Variants in GXYLT1 observed in about 807,000 individuals in gnomAD.
GXYLT1 encodes the protein glycosyltransferase 8 domain containing 3.
In GXYLT1, 29 loss-of-function variants were observed where a neutral mutation model predicts 54.0. The observed-to-expected ratio is 0.54, with a 90% CI of 0.40 to 0.73. The LOEUF (loss-of-function observed/expected upper bound fraction) is 0.73. GXYLT1 is among the 30% of genes least tolerant of loss of function. GXYLT1 has a pLI of 0.00. For missense variants in GXYLT1, 490 were observed against 553.4 expected, an observed-to-expected ratio of 0.89 and a Z score of 1.15; for synonymous variants, 176 against 204.1, an observed-to-expected ratio of 0.86 and a Z score of 1.17.
At chr12:42,110,607 T>C (rs938143270) in intron 3 of GXYLT1, among the ~76,000 whole-genome samples, 4 of 152,200 alleles carry the variant, frequency 2.6e-5, no homozygotes, top group Non-Finnish European at 5.9e-5. Flanking sequence ...TGAAGTGCAG[T>C]AACATGATTA....
intron 6 of GXYLT1, 68 bp from the exon 7 acceptor site, chr12:42,097,682 A>T (rs985043868): frequency 1.2e-5 from 17 of 1,377,474 alleles, no homozygotes; most frequent in Non-Finnish European, 1.7e-5. Context: ...ATTATGCAAA[A>T]CTTTCAGTTA....
chr12:42,144,062 T>C (rs2065665938), intron 1 of GXYLT1, among the ~76,000 whole-genome samples: 1 of 152,206 alleles, frequency 6.6e-6, no homozygotes. Context: ...TGTTTAAATA[T>C]CTCAACTTGA....
At chr12:42,143,957 C>A (rs2065665154) in intron 1 of GXYLT1, among the ~76,000 whole-genome samples, 1 of 152,098 alleles carries the variant, frequency 6.6e-6, no homozygotes, top group African/African-American at 2.4e-5. Context: ...TAAGCGTTAA[C>A]ACAGGAAAAT....
At chr12:42,122,392 C>T (rs546375221) in intron 2 of GXYLT1, among the ~76,000 whole-genome samples, 40 of 152,144 alleles carry the variant, frequency 2.6e-4, no homozygotes, top group African/African-American at 9.2e-4. Context: ...GAGTTTGAGA[C>T]CAGGCTGGCC....
intron 2 of GXYLT1, among the ~76,000 whole-genome samples, chr12:42,121,511 C>T (rs2065531395): frequency 6.6e-6 from 1 of 152,050 alleles, no homozygotes; most frequent in African/African-American, 2.4e-5. Context: ...CACGCCTGTA[C>T]TCCTAGCTAC....
rs35830911 is a variant in GXYLT1 at position 42,140,180 on chromosome 12, C to CAAA, written c.221+4243_221+4245dup. On this transcript the variant is annotated intron_variant, in intron 1 of 7. Transcript: ENST00000398675. ...TGAGTGACAGAGCAAGACTCCATCTCAAAAAAAAAAAAAAAAAGGCGGGGG... is the reference window on the plus strand; with the variant it reads ...TGAGTGACAGAGCAAGACTCCATCTCAAAAAAAAAAAAAAAAAAAAGGCGGGGG... Among the ~76,000 whole-genome samples, 4 of 20,870 alleles carry CAAA rather than the reference C, an allele frequency of 1.9e-4. 1 individual carries two copies. Among genetic ancestry groups the CAAA allele is most frequent in the Non-Finnish European group, 3.0e-4 (4 of 13,140 alleles). 13.7% of individuals were successfully genotyped at this position (20,870 alleles called of 152,430 possible). A position where few individuals can be genotyped will look rare whatever the true frequency, so the allele number is the denominator to read the frequency against.
At position 42,106,896 on chromosome 12, in the gene GXYLT1, T is replaced by G. The variant is rs373904711; in HGVS notation, c.613-827A>C. 2.0e-4 allele frequency among the ~76,000 whole-genome samples: 31 copies of G among 151,714 alleles called. No homozygotes were observed. The East Asian group carries it at 3.5e-3, about 17-fold the overall frequency. ...GAGTAACTGGGATTACAGGCATGCA[T>G]CACCACACCCGGCTAATTTTTCATA... On this transcript the variant is annotated intron_variant, in intron 4 of 7. Coordinates refer to ENST00000398675, the MANE Select transcript of GXYLT1 (RefSeq NM_173601.2).
intron 1 of GXYLT1, among the ~76,000 whole-genome samples, chr12:42,138,469 A>G (rs1192262009): frequency 1.3e-5 from 2 of 152,208 alleles, no homozygotes; most frequent in Non-Finnish European, 2.9e-5. Context: ...ATAAGTTAGC[A>G]TCACACAATA....
rs1029405592 is a variant in GXYLT1 at position 42,091,287 on chromosome 12, A to T, written c.1162-3340T>A. Among the ~76,000 whole-genome samples, 10 of 151,808 alleles carry T rather than the reference A, an allele frequency of 6.6e-5. 1 individual carries two copies. The highest frequency in any genetic ancestry group is 4.6e-4 in the Admixed American group (7 of 15,242). ...CATCTGAAATCCTTTTAAAAATAAG[A>T]TTTTTTTAAAAAAAAATCAAGTGTA... is the stretch of plus-strand genomic sequence containing the variant. On this transcript the variant is annotated intron_variant, in intron 7 of 7. Coordinates refer to ENST00000398675, the MANE Select transcript of GXYLT1 (RefSeq NM_173601.2).
chr12:42,119,470 G>A (rs569248607), intron 2 of GXYLT1, among the ~76,000 whole-genome samples: 7 of 151,776 alleles, frequency 4.6e-5, no homozygotes, highest in Admixed American at 3.3e-4. Context: ...GGGAAAGGGA[G>A]GGAGGGAAGG....
At chr12:42,090,922 A>G (rs1443927141) in intron 7 of GXYLT1, among the ~76,000 whole-genome samples, 2 of 152,236 alleles carry the variant, frequency 1.3e-5, no homozygotes, top group East Asian at 1.9e-4. Context: ...TATTCACTCA[A>G]CAACTAATAT....
chr12:42,124,611 AG>A (rs1175755906), intron 2 of GXYLT1, among the ~76,000 whole-genome samples: 1 of 152,234 alleles, frequency 6.6e-6, no homozygotes. Flanking sequence ...AATAATGCTA[AG>A]GTTATGATGA....
At chr12:42,093,829 C>T (rs189731094) in intron 7 of GXYLT1, among the ~76,000 whole-genome samples, 1 of 151,982 alleles carries the variant, frequency 6.6e-6, no homozygotes, top group African/African-American at 2.4e-5. Flanking sequence ...TGAGCCACTG[C>T]GCCCAGCCAA....
chr12:42,138,557 G>A (rs116212475), intron 1 of GXYLT1, among the ~76,000 whole-genome samples: 1,596 of 152,222 alleles, frequency 0.01, 32 homozygotes, highest in African/African-American at 0.036. Flanking sequence ...AAAAAAACTG[G>A]TAGAAAGCTT....
chr12:42,089,466 C>T lies in GXYLT1; in HGVS notation c.1162-1519G>A, dbSNP rs140025035. ...CAAACCTGCACGTTGTGCATATGTA[C>T]CCTAGAACTTAAAGTATAATAAAAT... On this transcript the variant is annotated intron_variant, in intron 7 of 7. Coordinates refer to ENST00000398675, the MANE Select transcript of GXYLT1 (RefSeq NM_173601.2). Among the ~76,000 whole-genome samples, 435 of 152,088 alleles carry T rather than the reference C, an allele frequency of 2.9e-3. 2 individuals are homozygous for T. Among genetic ancestry groups the T allele is most frequent in the African/African-American group, 9.4e-3 (388 of 41,480 alleles).
chr12:42,128,593 T>C (rs941791789), intron 2 of GXYLT1, among the ~76,000 whole-genome samples: 8 of 152,120 alleles, frequency 5.3e-5, no homozygotes, highest in Non-Finnish European at 1.2e-4. Flanking sequence ...GAAACTCCCA[T>C]CAGAACGTAA....
chr12:42,096,145 A>G (rs990452681), intron 7 of GXYLT1, among the ~76,000 whole-genome samples: 6 of 152,212 alleles, frequency 3.9e-5, no homozygotes, highest in Admixed American at 3.9e-4. Context: ...TTAGAGAATC[A>G]GGTGTGAACA....
intron 7 of GXYLT1, among the ~76,000 whole-genome samples, chr12:42,092,816 G>A (rs1246229114): frequency 4.6e-5 from 7 of 151,792 alleles, no homozygotes; most frequent in Non-Finnish European, 1.0e-4. Context: ...GAATTGTCTT[G>A]GACCACACAT....
intron 1 of GXYLT1, among the ~76,000 whole-genome samples, chr12:42,130,919 C>T (rs774519540): frequency 4.6e-5 from 7 of 152,066 alleles, no homozygotes; most frequent in African/African-American, 2.4e-5. Context: ...TGCACCCCAG[C>T]CTGGCTGAAC....
Sources: gnomAD v4.1 joint callset for allele counts (sites outside exome capture counted in the v4.1 genomes callset) on GRCh38, gnomAD v4.1.1 for gene constraint, MANE v1.5 for transcripts, NCBI Gene and HGNC (gene_info 2026-07-23, HGNC 2026-07-21) for gene names.